The following CTNNA2 variants were observed in gnomAD, a reference collection of about 807,000 sequenced individuals.
CTNNA2 encodes the protein catenin alpha 2, also known as catenin alpha-2.
A neutral mutation model predicts 101.0 loss-of-function variants in CTNNA2; 42 were observed. The ratio of observed to expected loss-of-function variants is 0.42; its 90% CI spans 0.32 to 0.54. The LOEUF is 0.54. CTNNA2 is among the 20% of genes least tolerant of loss of function. The pLI, the probability that CTNNA2 is intolerant of heterozygous loss-of-function variation, is 0.14. For synonymous variants in CTNNA2, 450 were observed against 456.4 expected (o/e 0.99, Z 0.18); for missense variants, 871 against 1,223.1 (o/e 0.71, Z 4.29).
At position 79,764,261 on chromosome 2, in the gene CTNNA2, T is replaced by C. The variant is rs535649167; in HGVS notation, c.298+19679T>C. On this transcript the variant is annotated intron_variant, in intron 3 of 18. Transcript: ENST00000402739. ...ATAAGGACATTTTCATATTAAAGAATGTTCTCTTCCAAATTTAAAGATAAC... is the reference window on the plus strand; with the variant it reads ...ATAAGGACATTTTCATATTAAAGAACGTTCTCTTCCAAATTTAAAGATAAC... Among the ~76,000 whole-genome samples, 10 of 152,368 alleles carry C rather than the reference T, an allele frequency of 6.6e-5. No homozygotes were observed. In the South Asian group the frequency reaches 1.9e-3, roughly 28 times the overall value.
intron 1 of CTNNA2, among the ~76,000 whole-genome samples, chr2:79,618,299 G>T (rs1678768344): frequency 1.3e-5 from 2 of 152,108 alleles, no homozygotes. Flanking sequence ...TGTTTTGTTT[G>T]CAATTTTATG....
chr2:80,537,185 C>A (rs983527607), intron 9 of CTNNA2, among the ~76,000 whole-genome samples: 5 of 152,036 alleles, frequency 3.3e-5, no homozygotes, highest in Admixed American at 2.0e-4. Flanking sequence ...GTTTGGTTTT[C>A]TGTTCCTGTG....
rs572490697 is a variant in CTNNA2 at position 80,300,438 on chromosome 2, T to C, written c.1057-92773T>C. On this transcript the variant is annotated intron_variant, in intron 7 of 18. Coordinates refer to ENST00000402739, the MANE Select transcript of CTNNA2 (RefSeq NM_001282597.3). ...ATTTTTAGGCATACTGGTTTCTCCATAGGTAAAAGAGAAACCTACCACCAA... is the reference window on the plus strand; with the variant it reads ...ATTTTTAGGCATACTGGTTTCTCCACAGGTAAAAGAGAAACCTACCACCAA... Among the ~76,000 whole-genome samples the C allele has an allele frequency of 2.6e-5, 4 of 152,172 alleles. No homozygotes were observed. In the South Asian group the frequency reaches 8.3e-4, roughly 32 times the overall value.
chr2:79,247,023 C>T (rs1311672530), intron 2 of CTNNA2, among the ~76,000 whole-genome samples: 1 of 152,094 alleles, frequency 6.6e-6, no homozygotes, highest in Non-Finnish European at 1.5e-5. Flanking sequence ...TTCAGTAAAC[C>T]CTGAGTGCTG....
At chr2:79,334,405 A>G (rs1676946153) in intron 3 of CTNNA2, among the ~76,000 whole-genome samples, 5 of 152,134 alleles carry the variant, frequency 3.3e-5, no homozygotes, top group Admixed American at 3.3e-4. Flanking sequence ...GATGATGTAC[A>G]GAAGTTGTAA....
chr2:80,079,865 A>AATAAAATAAAATAAG lies in CTNNA2; in HGVS notation c.1056+170082_1056+170083insGATAAAATAAAATAA, dbSNP rs1558788099. Among the ~76,000 whole-genome samples, 31 of 112,980 alleles carry AATAAAATAAAATAAG rather than the reference A, an allele frequency of 2.7e-4. 1 individual carries two copies. The highest frequency in any genetic ancestry group is 1.6e-3 in the Admixed American group (15 of 9,462). 74.1% of individuals were successfully genotyped at this position (112,980 alleles called of 152,430 possible). On this transcript the variant is annotated intron_variant, in intron 7 of 18. Coordinates refer to ENST00000402739, the MANE Select transcript of CTNNA2 (RefSeq NM_001282597.3). ...AATAAAATAAAATAAAATAAAATAA[A>AATAAAATAAAATAAG]ATAAAATAAAATAAAATAATAAAAT... is the stretch of plus-strand genomic sequence containing the variant.
At chr2:79,778,582 TATACATATATAC>T (rs1050909340) in intron 3 of CTNNA2, among the ~76,000 whole-genome samples, 8 of 150,038 alleles carry the variant, frequency 5.3e-5, no homozygotes, top group South Asian at 2.1e-4. Flanking sequence ...CATATACGTA[TATACATATATAC>T]ATACATATAT....
At chr2:79,933,652 AC>A (rs1361472856) in intron 7 of CTNNA2, among the ~76,000 whole-genome samples, 1 of 151,958 alleles carries the variant, frequency 6.6e-6, no homozygotes, top group Non-Finnish European at 1.5e-5. Flanking sequence ...ACGGGGTTTC[AC>A]CATGTTGGCC....
At chr2:79,851,666 T>C (rs1680713851) in intron 3 of CTNNA2, among the ~76,000 whole-genome samples, 1 of 152,104 alleles carries the variant, frequency 6.6e-6, no homozygotes, top group Non-Finnish European at 1.5e-5. Flanking sequence ...ACAAACTGGT[T>C]AAGAGGATTG....
intron 4 of CTNNA2, among the ~76,000 whole-genome samples, chr2:79,455,290 C>T (rs2104530367): frequency 1.3e-5 from 2 of 152,272 alleles, no homozygotes; most frequent in South Asian, 4.2e-4. Context: ...ATTTATACTC[C>T]TACACATCTG....
intron 7 of CTNNA2, among the ~76,000 whole-genome samples, chr2:79,952,801 T>G (rs924122170): frequency 3.3e-5 from 5 of 152,134 alleles, no homozygotes; most frequent in African/African-American, 7.2e-5. Context: ...AAGGGCAGAG[T>G]TGAGTAGTGG....
chr2:80,194,839 G>C (rs1421595766), intron 7 of CTNNA2, among the ~76,000 whole-genome samples: 1 of 150,672 alleles, frequency 6.6e-6, no homozygotes, highest in African/African-American at 2.4e-5. Context: ...ATTTATGTAT[G>C]TGTGTGTGTG....
At position 80,382,438 on chromosome 2, in the gene CTNNA2, G is replaced by A. The variant is rs116385367; in HGVS notation, c.1057-10773G>A. On this transcript the variant is annotated intron_variant, in intron 7 of 18. Coordinates refer to ENST00000402739, the MANE Select transcript of CTNNA2 (RefSeq NM_001282597.3). Reference sequence around the variant, plus strand: ...ATGCAGCTTATATTATTTGTATACCGTCTGACATCGGAAATTCAATTAACA... The same window carrying A: ...ATGCAGCTTATATTATTTGTATACCATCTGACATCGGAAATTCAATTAACA... 4.9e-3 allele frequency among the ~76,000 whole-genome samples: 740 copies of A among 152,082 alleles called. 9 individuals carry two copies. Among genetic ancestry groups the A allele is most frequent in the African/African-American group, 0.016 (646 of 41,508 alleles).
In CTNNA2 at chr2:79,974,037, T is replaced by C. The variant is rs75139162; in HGVS notation, c.1056+64240T>C. ...CAGAGACTTTTGTGATACTTTTTGT[T>C]ATCAGGCATTCATGTATGAGAGCCT... On this transcript the variant is annotated intron_variant, in intron 7 of 18. Coordinates refer to ENST00000402739, the MANE Select transcript of CTNNA2 (RefSeq NM_001282597.3). Among the ~76,000 whole-genome samples the C allele has an allele frequency of 2.6e-4, 39 of 152,302 alleles. 1 individual carries two copies. The East Asian group carries it at 7.5e-3, about 29-fold the overall frequency.
At chr2:80,522,735 C>T (rs979150767) in intron 9 of CTNNA2, among the ~76,000 whole-genome samples, 1 of 152,042 alleles carries the variant, frequency 6.6e-6, no homozygotes, top group Non-Finnish European at 1.5e-5. Flanking sequence ...GCTTGCTTTC[C>T]CCCTCACCTT....
At chr2:80,421,256 C>G (rs1490506429) in intron 9 of CTNNA2, among the ~76,000 whole-genome samples, 1 of 152,118 alleles carries the variant, frequency 6.6e-6, no homozygotes, top group Non-Finnish European at 1.5e-5. Flanking sequence ...TGTATAATTA[C>G]AACATTTACA....
intron 3 of CTNNA2, among the ~76,000 whole-genome samples, chr2:79,365,629 A>C (rs1295417676): frequency 6.6e-6 from 1 of 151,976 alleles, no homozygotes; most frequent in African/African-American, 2.4e-5. Context: ...GTCTAAAAAA[A>C]AAAAAGGAGA....
intron 7 of CTNNA2, among the ~76,000 whole-genome samples, chr2:80,318,477 G>A (rs904823691): frequency 6.6e-6 from 1 of 151,944 alleles, no homozygotes; most frequent in Admixed American, 6.6e-5. Flanking sequence ...TAATTTAGGG[G>A]GTAAATTCCT....
At chr2:79,279,278 C>G (rs969027084) in intron 2 of CTNNA2, among the ~76,000 whole-genome samples, 1 of 152,018 alleles carries the variant, frequency 6.6e-6, no homozygotes, top group African/African-American at 2.4e-5. Context: ...ATAGAAAAGA[C>G]AAAGTTCAGA....
Sources: allele counts gnomAD v4.1 joint callset (sites outside exome capture counted in the v4.1 genomes callset), GRCh38; gene constraint gnomAD v4.1.1; transcripts MANE v1.5; gene names NCBI Gene and HGNC (gene_info 2026-07-23, HGNC 2026-07-21).